The following ADCY9 variants were observed in gnomAD, a reference collection of about 807,000 sequenced individuals.
The protein encoded by ADCY9 is adenylate cyclase 9.
In ADCY9, 50 loss-of-function variants were observed where a neutral mutation model predicts 101.5. The ratio of observed to expected loss-of-function variants is 0.49; its 90% CI spans 0.39 to 0.62. The LOEUF is 0.62. Among genes scored for constraint, ADCY9 ranks in the 20% least tolerant of loss-of-function variants. ADCY9 has a pLI of 0.00. For synonymous variants in ADCY9, 905 were observed against 769.3 expected, an observed-to-expected ratio of 1.18 and a Z score of -2.92; for missense variants, 1,662 against 1,800.4, an observed-to-expected ratio of 0.92 and a Z score of 1.39.
chr16:3,980,283 TAA>T (rs1224684529), intron 7 of ADCY9, among the ~76,000 whole-genome samples: 7 of 120,204 alleles, frequency 5.8e-5, no homozygotes, highest in Non-Finnish European at 9.7e-5. Context: ...GTTGACACAA[TAA>T]AAGTTTCTGT....
At chr16:4,110,931 G>C (rs904489716) in intron 2 of ADCY9, among the ~76,000 whole-genome samples, 10 of 152,164 alleles carry the variant, frequency 6.6e-5, no homozygotes, top group African/African-American at 2.4e-4. Context: ...TCTGAACCCC[G>C]CCTCTGGAGT....
At chr16:4,091,805 C>A (rs1414765851) in intron 2 of ADCY9, among the ~76,000 whole-genome samples, 1 of 152,170 alleles carries the variant, frequency 6.6e-6, no homozygotes, top group African/African-American at 2.4e-5. Flanking sequence ...GGTGCTAGGG[C>A]TTGGGAGCTG....
At chr16:4,015,225 G>A (rs1432053222) in intron 2 of ADCY9, among the ~76,000 whole-genome samples, 1 of 152,070 alleles carries the variant, frequency 6.6e-6, no homozygotes, top group Non-Finnish European at 1.5e-5. Context: ...ACAGGCGTGA[G>A]CGACCGTGCC....
chr16:3,956,890 G>A (rs1403143140), intron 5 of ADCY9, among the ~76,000 whole-genome samples: 1 of 152,074 alleles, frequency 6.6e-6, no homozygotes, highest in Non-Finnish European at 1.5e-5. Flanking sequence ...TAGACACCGA[G>A]TTGAGGATTT....
intron 6 of ADCY9, among the ~76,000 whole-genome samples, chr16:3,984,590 A>G (rs2056174691): frequency 6.6e-6 from 1 of 152,178 alleles, no homozygotes; most frequent in Non-Finnish European, 1.5e-5. Context: ...CACACAGCGA[A>G]CAAGGAGCCA....
chr16:3,993,621 A>G, intron 3 of ADCY9, 111 bp from the exon 4 acceptor site: 1 of 1,376,746 alleles, frequency 7.3e-7, no homozygotes, highest in East Asian at 2.4e-5. Context: ...GTGGTGAGCA[A>G]GGGGAAGGCA....
chr16:3,974,966 T>C (rs1276978590), intron 9 of ADCY9, among the ~76,000 whole-genome samples: 1 of 152,172 alleles, frequency 6.6e-6, no homozygotes. Flanking sequence ...GCAACCGTGA[T>C]GGGATTAGGG....
At position 4,114,935 on chromosome 16, in the gene ADCY9, G is replaced by A. The variant is rs751581722; in HGVS notation, c.508C>T (p.Arg170Trp). ...FLFTFTKLYA[R>W]HYAWTSLALT... The stretch of plus-strand genomic sequence containing the variant: ...GCCAGCGAGGTCCACGCGTAATGCC[G>A]GGCGTACAGCTTGGTGAAGGTAAAC... Residue 170 changes from arginine to tryptophan, a missense_variant, in exon 2 of 11, where the codon CGG becomes TGG. By Grantham distance (101) the Arg-to-Trp change is moderately radical. Transcript: ENST00000294016. The surrounding 1 kb of genome is among the most constrained non-coding windows in gnomAD (Gnocchi z 4.3). The A allele has an allele frequency of 1.9e-6, 3 of 1,613,962 alleles. No homozygotes were observed. Among genetic ancestry groups the A allele is most frequent in the Non-Finnish European group, 2.5e-6 (3 of 1,180,030 alleles).
chr16:4,024,913 A>G (rs1196005142), intron 2 of ADCY9, among the ~76,000 whole-genome samples: 1 of 152,158 alleles, frequency 6.6e-6, no homozygotes, highest in African/African-American at 2.4e-5. Flanking sequence ...TGGCCATACC[A>G]TGAAATCAGA....
chr16:3,970,583 C>T (rs1244033490), intron 10 of ADCY9, among the ~76,000 whole-genome samples: 1 of 152,244 alleles, frequency 6.6e-6, no homozygotes, highest in East Asian at 1.9e-4. Context: ...CCGCCTTGGC[C>T]TCCCAAAGTG....
intron 2 of ADCY9, among the ~76,000 whole-genome samples, chr16:4,025,403 T>C (rs1597173700): frequency 2.0e-5 from 3 of 146,898 alleles, no homozygotes; most frequent in Non-Finnish European, 3.0e-5. Flanking sequence ...AGTGGATCAC[T>C]GTGAACGCTG....
Position 3,964,476 on chromosome 16 carries a change from G to C in ADCY9, c.*1299C>G, listed in dbSNP as rs912044821. ...GATACGGTGTGAGAACTCCATTTCA[G>C]AGCTGGAATTTGCTCCCCAGATTAA... On this transcript the variant is annotated 3_prime_UTR_variant, in exon 11 of 11. Coordinates refer to ENST00000294016, the MANE Select transcript of ADCY9 (RefSeq NM_001116.4). 6.6e-6 allele frequency: 1 copy of C among 152,296 alleles called. No individual in the cohort carries two copies. Among genetic ancestry groups the C allele is most frequent in the Admixed American group, 6.5e-5 (1 of 15,282 alleles). The allele number at this position is 152,296 out of a possible 1,614,324, so 9.4% of individuals were successfully genotyped here.
At chr16:3,957,537 G>T (rs1400165045) in intron 5 of ADCY9, among the ~76,000 whole-genome samples, 1 of 152,128 alleles carries the variant, frequency 6.6e-6, no homozygotes, top group African/African-American at 2.4e-5. Flanking sequence ...GTGCAGAACC[G>T]TGGCATCCTG....
chr16:4,077,178 GC>G (rs1276697533), intron 2 of ADCY9, among the ~76,000 whole-genome samples: 10 of 152,182 alleles, frequency 6.6e-5, no homozygotes, highest in African/African-American at 2.4e-4. Context: ...CCAACTGTAA[GC>G]CCTATACAGG....
At chr16:4,033,228 C>A (rs992389832) in intron 2 of ADCY9, among the ~76,000 whole-genome samples, 3 of 152,122 alleles carry the variant, frequency 2.0e-5, no homozygotes, top group Non-Finnish European at 4.4e-5. Context: ...GTCCTAAATT[C>A]TTTTCTCTTG....
intron 2 of ADCY9, among the ~76,000 whole-genome samples, chr16:4,043,826 T>A (rs931399503): frequency 5.3e-5 from 8 of 152,152 alleles, no homozygotes; most frequent in Non-Finnish European, 1.0e-4. Flanking sequence ...TAAAACAGTC[T>A]GCCAAAATTT....
At chr16:4,012,981 G>A (rs2056413740) in intron 2 of ADCY9, among the ~76,000 whole-genome samples, 2 of 152,018 alleles carry the variant, frequency 1.3e-5, no homozygotes. Context: ...AGCGAGGCAC[G>A]GGGATCACAG....
intron 2 of ADCY9, among the ~76,000 whole-genome samples, chr16:4,071,777 C>A (rs1313340177): frequency 6.8e-6 from 1 of 147,602 alleles, no homozygotes; most frequent in African/African-American, 2.5e-5. Flanking sequence ...AGAATACGTT[C>A]TTTTTTCATT....
At chr16:4,036,462 G>GTTTTTTTT (rs59816813) in intron 2 of ADCY9, among the ~76,000 whole-genome samples, 20 of 103,680 alleles carry the variant, frequency 1.9e-4, no homozygotes, top group African/African-American at 3.2e-4. Context: ...GGGTTTGTTT[G>GTTTTTTTT]TTTTTTTTTT....
Sources: gnomAD v4.1 joint callset for allele counts (sites outside exome capture counted in the v4.1 genomes callset) on GRCh38, gnomAD v4.1.1 for gene constraint, Gnocchi (gnomAD v3.1) non-coding constraint, MANE v1.5 for transcripts, NCBI Gene and HGNC (gene_info 2026-07-23, HGNC 2026-07-21) for gene names.